The following ST8SIA1 variants were observed in gnomAD, a reference collection of about 807,000 sequenced individuals.
ST8SIA1 encodes ST8 alpha-N-acetyl-neuraminide alpha-2,8-sialyltransferase 1, also known as alpha-N-acetylneuraminide alpha-2,8-sialyltransferase.
A neutral mutation model predicts 35.9 loss-of-function variants in ST8SIA1; 16 were observed. That is an observed-to-expected ratio of 0.45 (90% confidence interval 0.30 to 0.68). ST8SIA1 has a LOEUF of 0.68. Ranked by LOEUF, ST8SIA1 falls within the 30% of genes least tolerant of loss-of-function variation. ST8SIA1 has a pLI of 0.09. For missense variants in ST8SIA1, 383 were observed against 453.6 expected (o/e 0.84, Z 1.41); for synonymous variants, 170 against 169.6 (o/e 1.00, Z -0.02).
At chr12:22,221,190 C>T (rs35947550) in intron 4 of ST8SIA1, among the ~76,000 whole-genome samples, 16,239 of 151,992 alleles carry the variant, frequency 0.11, 1,121 homozygotes, top group Middle Eastern at 0.2. Context: ...AATACCACTA[C>T]CCTAACTTTC....
intron 2 of ST8SIA1, among the ~76,000 whole-genome samples, chr12:22,266,784 G>A (rs1381711661): frequency 6.6e-6 from 1 of 151,812 alleles, no homozygotes. Flanking sequence ...GTGACCGAGT[G>A]AGACCCTGTC....
In ST8SIA1 at chr12:22,195,230, G is replaced by GAAA. The variant is rs1591820409; in HGVS notation, c.*6319_*6321dup. 2 of 135,470 alleles carry GAAA rather than the reference G, an allele frequency of 1.5e-5. No homozygotes were observed. The highest frequency in any genetic ancestry group is 3.2e-5 in the Non-Finnish European group (2 of 62,002). 8.4% of individuals were successfully genotyped at this position (135,470 alleles called of 1,614,324 possible). On this transcript the variant is annotated 3_prime_UTR_variant, in exon 5 of 5. Coordinates refer to ENST00000396037, the MANE Select transcript of ST8SIA1 (RefSeq NM_003034.4). ...AAAAAAAAGAAAGAAAGAAAGAAAG[G>GAAA]AAAAAGAAAACGGGAGTGTTGTTTC...
intron 2 of ST8SIA1, among the ~76,000 whole-genome samples, chr12:22,280,809 T>C (rs993123905): frequency 6.6e-6 from 1 of 152,242 alleles, no homozygotes; most frequent in African/African-American, 2.4e-5. Context: ...ATGATCCATT[T>C]TCCTGCTCTT....
intron 2 of ST8SIA1, among the ~76,000 whole-genome samples, chr12:22,264,349 T>C (rs991969973): frequency 6.6e-6 from 1 of 152,196 alleles, no homozygotes; most frequent in African/African-American, 2.4e-5. Context: ...TCTTTATCCC[T>C]GTACCCCAGT....
chr12:22,284,172 G>A (rs377152294), intron 2 of ST8SIA1, among the ~76,000 whole-genome samples: 15 of 140,832 alleles, frequency 1.1e-4, no homozygotes, highest in Middle Eastern at 3.9e-3. Flanking sequence ...TTGTACCAAC[G>A]ACAAAAAAAC....
chr12:22,273,746 C>CTCAT (rs58148930), intron 2 of ST8SIA1, among the ~76,000 whole-genome samples: 5,376 of 152,138 alleles, frequency 0.035, 339 homozygotes, highest in African/African-American at 0.12. Flanking sequence ...AGCAGCTGAA[C>CTCAT]TCATTCATTC....
At chr12:22,299,697 G>A (rs886543409) in intron 1 of ST8SIA1, among the ~76,000 whole-genome samples, 6 of 152,200 alleles carry the variant, frequency 3.9e-5, no homozygotes, top group Admixed American at 6.5e-5. Context: ...ATTTTCTTAA[G>A]GGATTGACTT....
chr12:22,249,529 TTTTTG>T (rs138699545), intron 3 of ST8SIA1, among the ~76,000 whole-genome samples: 23,754 of 151,878 alleles, frequency 0.16, 2,379 homozygotes, highest in Middle Eastern at 0.33. Context: ...CAGTAACTGT[TTTTTG>T]TTTTGTTTTG....
intron 1 of ST8SIA1, among the ~76,000 whole-genome samples, chr12:22,333,151 A>G (rs1866790977): frequency 6.6e-6 from 1 of 151,832 alleles, no homozygotes; most frequent in Non-Finnish European, 1.5e-5. Flanking sequence ...CGGATCTACA[A>G]CCTCTGAGTG....
At chr12:22,291,364 C>G (rs1406233016) in intron 1 of ST8SIA1, among the ~76,000 whole-genome samples, 2 of 152,160 alleles carry the variant, frequency 1.3e-5, no homozygotes, top group Non-Finnish European at 2.9e-5. Context: ...ACTTTTGTGT[C>G]CCTTCCAAGA....
At chr12:22,257,032 C>T (rs540031652) in intron 2 of ST8SIA1, among the ~76,000 whole-genome samples, 1 of 152,186 alleles carries the variant, frequency 6.6e-6, no homozygotes, top group East Asian at 1.9e-4. Flanking sequence ...CCCTGGGTGA[C>T]AAGGACATAA....
At position 22,334,507 on chromosome 12, in the gene ST8SIA1, C is replaced by T. The variant is rs1218601429; in HGVS notation, c.-275G>A. The T allele has an allele frequency of 5.9e-6, 3 of 510,928 alleles. No individual in the cohort carries two copies. Among genetic ancestry groups the T allele is most frequent in the Non-Finnish European group, 1.1e-5 (3 of 284,978 alleles). 31.6% of individuals were successfully genotyped at this position (510,928 alleles called of 1,614,324 possible). On this transcript the variant is annotated 5_prime_UTR_variant, in exon 1 of 5. Coordinates refer to ENST00000396037, the MANE Select transcript of ST8SIA1 (RefSeq NM_003034.4). ...GGTCGCTTCCCCTGCAGAAGGCGGG[C>T]GCTGGGGTCTCCGAGTGCGCAGAGA...
intron 2 of ST8SIA1, among the ~76,000 whole-genome samples, chr12:22,275,250 G>A (rs1233103017): frequency 6.6e-6 from 1 of 152,150 alleles, no homozygotes; most frequent in Non-Finnish European, 1.5e-5. Context: ...CTTAGTAAAA[G>A]TAAAAAGTAA....
intron 1 of ST8SIA1, among the ~76,000 whole-genome samples, chr12:22,331,613 T>C (rs73089239): frequency 0.13 from 19,458 of 152,226 alleles, 1,541 homozygotes; most frequent in African/African-American, 0.22. Context: ...TCTGACTGAC[T>C]GGTCTAATAT....
rs577507823 is a variant in ST8SIA1, at chr12:22,258,567, T to C, written c.382-3178A>G. Among the ~76,000 whole-genome samples the C allele has an allele frequency of 1.2e-4, 19 of 152,318 alleles. No homozygotes were observed. The East Asian group carries it at 3.7e-3, about 29-fold the overall frequency. On this transcript the variant is annotated intron_variant, in intron 2 of 4. Transcript: ENST00000396037. ...TAAGACAACAGCTGAAAATTGCCAC[T>C]GAACTTAGCAACAGGAAGGTCACTG...
chr12:22,279,099 T>G (rs1003979997), intron 2 of ST8SIA1, among the ~76,000 whole-genome samples: 4 of 152,152 alleles, frequency 2.6e-5, no homozygotes, highest in Non-Finnish European at 4.4e-5. Flanking sequence ...TTCTACTCAT[T>G]TATCCAGCCT....
chr12:22,220,238 AATAGG>A (rs1475378848), intron 4 of ST8SIA1, among the ~76,000 whole-genome samples: 3 of 152,238 alleles, frequency 2.0e-5, no homozygotes, highest in Non-Finnish European at 2.9e-5. Context: ...ACAGTGAGTG[AATAGG>A]ATAGATTTAT....
At chr12:22,273,459 AC>A (rs1865935169) in intron 2 of ST8SIA1, among the ~76,000 whole-genome samples, 1 of 151,952 alleles carries the variant, frequency 6.6e-6, no homozygotes, top group Non-Finnish European at 1.5e-5. Context: ...TAGGGGGACC[AC>A]CCCTGCTAAA....
rs1459892843 is a variant in ST8SIA1, at chr12:22,257,626, C to T, written c.382-2237G>A. Among the ~76,000 whole-genome samples, 6 of 151,700 alleles carry T rather than the reference C, an allele frequency of 4.0e-5. No homozygotes were observed. In the South Asian group the frequency reaches 1.3e-3, roughly 32 times the overall value. ...GAGCCTCACAGATCTCTGCGGGAAC[C>T]CCTGGTGCAGAGACCCTAAGGAGAA... On this transcript the variant is annotated intron_variant, in intron 2 of 4. Coordinates refer to ENST00000396037, the MANE Select transcript of ST8SIA1 (RefSeq NM_003034.4).
Sources: gnomAD v4.1 joint callset for allele counts (sites outside exome capture counted in the v4.1 genomes callset) on GRCh38, gnomAD v4.1.1 for gene constraint, MANE v1.5 for transcripts, NCBI Gene and HGNC (gene_info 2026-07-23, HGNC 2026-07-21) for gene names.